The following ACER1 variants were observed in gnomAD, a reference collection of about 807,000 sequenced individuals.
ACER1 encodes the protein alkaline ceramidase 1.
A neutral mutation model predicts 24.9 loss-of-function variants in ACER1; 28 were observed. The observed-to-expected ratio is 1.13, with a 90% confidence interval of 0.83 to 1.54. The LOEUF (loss-of-function observed/expected upper bound fraction) is 1.54. Among genes scored for constraint, ACER1 ranks in the 40% most tolerant of loss-of-function variants. The pLI is 0.00. For missense variants in ACER1, 352 were observed against 349.3 expected (o/e 1.01, Z -0.06); for synonymous variants, 132 against 131.4 (o/e 1.00, Z -0.03).
At chr19:6,350,543 C>T in the ACER1 span, among the ~76,000 whole-genome samples, 4,738 of 145,378 alleles carry the variant, frequency 0.033, 261 homozygotes, top group African/African-American at 0.12. Context: ...TGCACTCCAG[C>T]CTGGGTGACA....
chr19:6,326,457 G>A (rs201275309), intron 1 of ACER1, among the ~76,000 whole-genome samples: 1 of 151,656 alleles, frequency 6.6e-6, no homozygotes. Context: ...TAGTGATGGG[G>A]TCTTGCTATA....
intron 1 of ACER1, among the ~76,000 whole-genome samples, chr19:6,321,274 T>C (rs2091629447): frequency 6.6e-6 from 1 of 152,008 alleles, no homozygotes; most frequent in Non-Finnish European, 1.5e-5. Flanking sequence ...TAGCTGGGAT[T>C]ACAGGAGCCC....
At chr19:6,356,283 TA>T in the ACER1 span, among the ~76,000 whole-genome samples, 1 of 148,620 alleles carries the variant, frequency 6.7e-6, no homozygotes, top group South Asian at 2.1e-4. Flanking sequence ...GCATGCTGGT[TA>T]AGAGTCATCA....
At chr19:6,313,784 C>T (rs947333284) in intron 1 of ACER1, among the ~76,000 whole-genome samples, 17 of 152,190 alleles carry the variant, frequency 1.1e-4, no homozygotes, top group Non-Finnish European at 2.4e-4. Context: ...CTGTGGCTTC[C>T]ACCTTTCTCT....
At chr19:6,325,935 T>C (rs1168239137) in intron 1 of ACER1, among the ~76,000 whole-genome samples, 1 of 151,946 alleles carries the variant, frequency 6.6e-6, no homozygotes, top group Non-Finnish European at 1.5e-5. Context: ...CATGGTATTG[T>C]TTGTTTTTCA....
the ACER1 span, among the ~76,000 whole-genome samples, chr19:6,355,076 C>T: frequency 2.0e-5 from 3 of 152,134 alleles, no homozygotes; most frequent in Admixed American, 6.5e-5. Flanking sequence ...CCGCCAGCCT[C>T]GGCCTCCAGA....
Position 6,312,214 on chromosome 19 carries a change from G to A in ACER1, c.285C>T (p.Leu95=). Residue 95 remains leucine (L), a synonymous_variant, in exon 3 of 6, where the codon CTC becomes CTT. Transcript: ENST00000301452. ...TCCATATGCTATAGCCACTGCCCAG[G>A]AGCCACAGGATGGCGATCTCGTCCA... The part of the protein sequence containing the change: ...QLLDEIAILW[L]LGSGYSIWMP... The A allele has an allele frequency of 1.2e-6, 2 of 1,614,034 alleles. No homozygotes were observed. The highest frequency in any genetic ancestry group is 1.7e-6 in the Non-Finnish European group (2 of 1,179,950).
chr19:6,339,533 G>A, the ACER1 span, among the ~76,000 whole-genome samples: 1 of 152,198 alleles, frequency 6.6e-6, no homozygotes. Context: ...TTCTGGAGGG[G>A]ATGGTGGTGA....
At chr19:6,355,381 C>A in the ACER1 span, among the ~76,000 whole-genome samples, 2 of 142,812 alleles carry the variant, frequency 1.4e-5, no homozygotes, top group Non-Finnish European at 3.0e-5. Context: ...AAGTGAGGAG[C>A]GCCTCTTCCC....
At chr19:6,356,342 C>T in the ACER1 span, among the ~76,000 whole-genome samples, 4 of 148,962 alleles carry the variant, frequency 2.7e-5, no homozygotes, top group South Asian at 2.1e-4. Flanking sequence ...TGCGGAAGGC[C>T]GCAGGGTCCT....
At chr19:6,311,061 A>G (rs2091577455) in intron 3 of ACER1, among the ~76,000 whole-genome samples, 1 of 151,676 alleles carries the variant, frequency 6.6e-6, no homozygotes, top group African/African-American at 2.4e-5. Flanking sequence ...GATGGTTTCC[A>G]GGGCCCAGGT....
At chr19:6,306,967 AC>A in intron 5 of ACER1, 85 bp from the exon 6 acceptor site, 1 of 1,521,640 alleles carries the variant, frequency 6.6e-7, no homozygotes, top group East Asian at 2.3e-5. Context: ...ATGGCTCTTG[AC>A]CATCCATCCA....
upstream of ACER1, among the ~76,000 whole-genome samples, chr19:6,334,559 C>T (rs551845626): frequency 6.6e-6 from 1 of 151,994 alleles, no homozygotes; most frequent in Admixed American, 6.6e-5. Context: ...GTTGGTCAAG[C>T]TGGTCTCGAA....
At position 6,316,695 on chromosome 19, in the gene ACER1, C is replaced by T. The variant is rs564824980; in HGVS notation, c.94-4196G>A. 2.6e-5 allele frequency among the ~76,000 whole-genome samples: 4 copies of T among 151,488 alleles called. No homozygotes were observed. The South Asian group carries it at 8.4e-4, about 32-fold the overall frequency. On this transcript the variant is annotated intron_variant, in intron 1 of 5. Transcript: ENST00000301452. ...ATTAGCCGAGCATGGTGGTGCATGCCTATAATCCCAGCTACTCCAGAGGCT... is the reference window on the plus strand; with the variant it reads ...ATTAGCCGAGCATGGTGGTGCATGCTTATAATCCCAGCTACTCCAGAGGCT...
the ACER1 span, among the ~76,000 whole-genome samples, chr19:6,339,458 T>A: frequency 1.3e-5 from 2 of 150,464 alleles, no homozygotes; most frequent in Non-Finnish European, 3.0e-5. Flanking sequence ...TATGAGGGGC[T>A]GGGGAGGGGG....
the ACER1 span, among the ~76,000 whole-genome samples, chr19:6,359,213 C>A: frequency 2.0e-5 from 3 of 152,022 alleles, no homozygotes; most frequent in Non-Finnish European, 2.9e-5. Flanking sequence ...GCCTGGGTGA[C>A]AGAGCGAGAC....
chr19:6,307,036 G>A (rs1460598032), intron 5 of ACER1, 117 bp downstream of exon 5: 5 of 1,518,200 alleles, frequency 3.3e-6, no homozygotes, highest in Non-Finnish European at 4.4e-6. Flanking sequence ...CCAGGTCCCA[G>A]TGTCTGGCTC....
the ACER1 span, among the ~76,000 whole-genome samples, chr19:6,350,626 G>A: frequency 8.7e-5 from 13 of 148,944 alleles, no homozygotes; most frequent in Non-Finnish European, 3.0e-5. Flanking sequence ...AGGGAGGGAA[G>A]GAGGGAGGGA....
At position 6,309,705 on chromosome 19, in the gene ACER1, C is replaced by G. The variant is rs1451865389; in HGVS notation, c.480G>C (p.Glu160Asp). ...ALHILYIVCQEYRKTSNKELR... is the reference protein window; with the variant it reads ...ALHILYIVCQDYRKTSNKELR... ...CTGCAGCCTTCACTCACTTCCTGTA[C>G]TCCTGGCACACGATGTAGAGAATGT... Residue 160 changes from glutamate to aspartate, a missense_variant, in exon 4 of 6, where the codon GAG (glutamate) becomes GAC (aspartate). Glu to Asp is a conservative substitution (Grantham distance 45). Transcript: ENST00000301452. The G allele has an allele frequency of 1.2e-6, 2 of 1,613,936 alleles. No individual in the cohort carries two copies. The highest frequency in any genetic ancestry group is 2.2e-5 in the South Asian group (2 of 91,074).
Sources: allele counts gnomAD v4.1 joint callset (sites outside exome capture counted in the v4.1 genomes callset), GRCh38; gene constraint gnomAD v4.1.1; transcripts MANE v1.5; gene names NCBI Gene and HGNC (gene_info 2026-07-23, HGNC 2026-07-21).